TMCC1: variants seen among roughly 807,000 people sequenced by gnomAD.
The protein encoded by TMCC1 is transmembrane and coiled-coil domain family 1.
Under a neutral mutation model 52.4 loss-of-function variants are expected in TMCC1, and 15 were observed. The observed-to-expected ratio is 0.29, with a 90% CI of 0.19 to 0.44. TMCC1 has a LOEUF of 0.44. Among genes scored for constraint, TMCC1 ranks in the 20% least tolerant of loss-of-function variants. TMCC1 has a pLI of 1.00. For missense variants in TMCC1, 503 were observed against 806.0 expected (o/e 0.62, Z 4.55); for synonymous variants, 279 against 301.9 (o/e 0.92, Z 0.79).
rs2086189513 is a variant in TMCC1, at chr3:129,649,276, G to A, written c.*2205C>T. ...GCAATTACGCTAAAGCAGAAAGTTA[G>A]GAGAAACTGTCAGTTCAAAAAGTTC... is the stretch of plus-strand genomic sequence containing the variant. On this transcript the variant is annotated 3_prime_UTR_variant, in exon 7 of 7. Transcript: ENST00000393238. The A allele has an allele frequency of 6.6e-6, 1 of 152,222 alleles. No individual in the cohort carries two copies. Among genetic ancestry groups the A allele is most frequent in the African/African-American group, 2.4e-5 (1 of 41,462 alleles). The allele number at this position is 152,222 out of a possible 1,614,324, so 9.4% of individuals were successfully genotyped here.
chr3:129,879,015 A>ATT (rs1297425059), intron 2 of TMCC1, among the ~76,000 whole-genome samples: 2 of 152,192 alleles, frequency 1.3e-5, no homozygotes, highest in Admixed American at 6.5e-5. Context: ...CCTTACTCAA[A>ATT]TGTCACCTTC....
intron 4 of TMCC1, among the ~76,000 whole-genome samples, chr3:129,793,950 C>T (rs1259199008): frequency 6.6e-6 from 1 of 152,180 alleles, no homozygotes; most frequent in Non-Finnish European, 1.5e-5. Flanking sequence ...GCACTGATTC[C>T]ACAGAGAAGA....
At chr3:129,699,721 A>C (rs2047678194) in intron 4 of TMCC1, among the ~76,000 whole-genome samples, 1 of 152,208 alleles carries the variant, frequency 6.6e-6, no homozygotes, top group Admixed American at 6.5e-5. Context: ...CAGGACTTCC[A>C]GACCAGGCTG....
intron 4 of TMCC1, among the ~76,000 whole-genome samples, chr3:129,679,253 A>AGTCTT (rs1232400593): frequency 1.3e-5 from 2 of 152,112 alleles, no homozygotes; most frequent in Non-Finnish European, 2.9e-5. Flanking sequence ...ACCTCCTTTA[A>AGTCTT]GTCTTTGCTT....
At chr3:129,743,564 T>G (rs7617134) in intron 4 of TMCC1, among the ~76,000 whole-genome samples, 1 of 152,168 alleles carries the variant, frequency 6.6e-6, no homozygotes, top group African/African-American at 2.4e-5. Context: ...AGTAACATTA[T>G]ACAAATGGCA....
At chr3:129,866,931 GA>G (rs1341945493) in intron 2 of TMCC1, 2 of 151,950 alleles carry the variant, frequency 1.3e-5, no homozygotes, top group African/African-American at 4.8e-5. Flanking sequence ...AAATACTAAA[GA>G]AAAACAAATT....
At chr3:129,881,634 T>C (rs1022386072) in intron 1 of TMCC1, among the ~76,000 whole-genome samples, 1 of 152,224 alleles carries the variant, frequency 6.6e-6, no homozygotes, top group Non-Finnish European at 1.5e-5. Flanking sequence ...AAATCTGTTA[T>C]ATTTTCGCAA....
At chr3:129,698,038 G>C (rs2047539824) in intron 4 of TMCC1, among the ~76,000 whole-genome samples, 1 of 152,028 alleles carries the variant, frequency 6.6e-6, no homozygotes, top group African/African-American at 2.4e-5. Context: ...CTGTTACCCA[G>C]TTTCAAAACT....
intron 4 of TMCC1, among the ~76,000 whole-genome samples, chr3:129,800,741 C>T (rs142678557): frequency 6.6e-6 from 1 of 151,956 alleles, no homozygotes; most frequent in African/African-American, 2.4e-5. Flanking sequence ...GCTATTTAAC[C>T]TTTCAGCATG....
intron 2 of TMCC1, among the ~76,000 whole-genome samples, chr3:129,836,160 A>G (rs1402753157): frequency 1.3e-5 from 2 of 152,200 alleles, no homozygotes; most frequent in Non-Finnish European, 2.9e-5. Flanking sequence ...AAGATGCAAC[A>G]ATTTTAAATT....
At chr3:129,799,252 C>G (rs948452329) in intron 4 of TMCC1, among the ~76,000 whole-genome samples, 1 of 152,086 alleles carries the variant, frequency 6.6e-6, no homozygotes, top group African/African-American at 2.4e-5. Flanking sequence ...ATGTTTTGGG[C>G]TCCACATTTC....
intron 4 of TMCC1, among the ~76,000 whole-genome samples, chr3:129,820,658 A>G (rs1464031158): frequency 6.6e-6 from 1 of 152,186 alleles, no homozygotes; most frequent in Non-Finnish European, 1.5e-5. Flanking sequence ...CTCTCCCAAT[A>G]TGAGATTTGT....
At chr3:129,723,821 T>G (rs2049850818) in intron 4 of TMCC1, among the ~76,000 whole-genome samples, 1 of 152,168 alleles carries the variant, frequency 6.6e-6, no homozygotes, top group African/African-American at 2.4e-5. Flanking sequence ...AACGCTAAGT[T>G]TCAGCAGCTC....
chr3:129,657,532 T>TA (rs1240425523), intron 5 of TMCC1, among the ~76,000 whole-genome samples: 1 of 152,220 alleles, frequency 6.6e-6, no homozygotes, highest in South Asian at 2.1e-4. Context: ...TCCAAGTTCT[T>TA]AAACTTTACA....
intron 4 of TMCC1, among the ~76,000 whole-genome samples, chr3:129,732,009 T>C (rs1268495870): frequency 6.6e-6 from 1 of 152,234 alleles, no homozygotes; most frequent in Non-Finnish European, 1.5e-5. Flanking sequence ...TTCAACATAG[T>C]ATTTCATGTG....
chr3:129,833,191 G>T (rs1188296625), intron 2 of TMCC1, among the ~76,000 whole-genome samples: 1 of 151,816 alleles, frequency 6.6e-6, no homozygotes, highest in Non-Finnish European at 1.5e-5. Flanking sequence ...TATAAAACAG[G>T]TACATGAAAA....
intron 4 of TMCC1, among the ~76,000 whole-genome samples, chr3:129,751,931 T>C (rs2107656956): frequency 6.6e-6 from 1 of 152,318 alleles, no homozygotes; most frequent in South Asian, 2.1e-4. Flanking sequence ...CTATCTTCTA[T>C]TTACTGTTAG....
intron 4 of TMCC1, among the ~76,000 whole-genome samples, chr3:129,739,455 G>T (rs371910273): frequency 6.6e-6 from 1 of 152,246 alleles, no homozygotes; most frequent in African/African-American, 2.4e-5. Context: ...GAGCCACTGC[G>T]CCTGGCCCAC....
Position 129,651,666 on chromosome 3 carries a change from G to A in TMCC1, c.1777C>T (p.Leu593Phe). Reference sequence around the variant, plus strand: ...AAAAGGACTGCCATGACAGCCAGGAGGATGTTGATGAGTTTGCCCAGAAGG... The same window carrying A: ...AAAAGGACTGCCATGACAGCCAGGAAGATGTTGATGAGTTTGCCCAGAAGG... ...RNLLGKLINI[L>F]LAVMAVLLVF... The change falls in exon 7 of 7, where the codon CTC becomes TTC. Residue 593 changes from leucine (L) to phenylalanine (F), a missense_variant. By Grantham distance (22) the Leu-to-Phe change is conservative. Coordinates refer to ENST00000393238, the MANE Select transcript of TMCC1 (RefSeq NM_001017395.5). The surrounding 1 kb of genome is among the most constrained non-coding windows in gnomAD (Gnocchi z 5.1). The A allele has an allele frequency of 6.2e-7, 1 of 1,614,242 alleles. No individual in the cohort carries two copies. The highest frequency in any genetic ancestry group is 8.5e-7 in the Non-Finnish European group (1 of 1,180,034).
Sources: allele counts gnomAD v4.1 joint callset (sites outside exome capture counted in the v4.1 genomes callset), GRCh38; gene constraint gnomAD v4.1.1; non-coding constraint Gnocchi (gnomAD v3.1); transcripts MANE v1.5; gene names NCBI Gene and HGNC (gene_info 2026-07-23, HGNC 2026-07-21).